Variants in PSMA8 observed in about 807,000 individuals in gnomAD.
The protein encoded by PSMA8 is proteasome 20S subunit alpha 8.
In PSMA8, 18 loss-of-function variants were observed where a neutral mutation model predicts 32.4. That is an observed-to-expected ratio of 0.56 (90% confidence interval 0.38 to 0.82). The LOEUF is 0.82. PSMA8 is among the 40% of genes least tolerant of loss of function. The pLI, the probability that PSMA8 is intolerant of heterozygous loss-of-function variation, is 0.00. For synonymous variants in PSMA8, 104 were observed against 98.1 expected (o/e 1.06, Z -0.36); for missense variants, 298 against 300.7 (o/e 0.99, Z 0.07).
intron 3 of PSMA8, among the ~76,000 whole-genome samples, chr18:26,153,764 A>AT (rs1033881033): frequency 4.6e-5 from 7 of 151,428 alleles, no homozygotes; most frequent in African/African-American, 1.5e-4. Context: ...TTTGCCTTTA[A>AT]TTTTTTTTTA....
intron 1 of PSMA8, among the ~76,000 whole-genome samples, chr18:26,138,807 A>G (rs1013848041): frequency 2.6e-5 from 4 of 152,222 alleles, no homozygotes; most frequent in African/African-American, 9.6e-5. Flanking sequence ...ACTTGTTACA[A>G]TTTGATGGTT....
At chr18:26,172,774 G>A (rs2055233693) in intron 4 of PSMA8, among the ~76,000 whole-genome samples, 1 of 152,172 alleles carries the variant, frequency 6.6e-6, no homozygotes. Flanking sequence ...TCGTGATGGT[G>A]CCAGTTCCTT....
intron 4 of PSMA8, among the ~76,000 whole-genome samples, chr18:26,172,636 C>G (rs2055232200): frequency 6.6e-6 from 1 of 151,996 alleles, no homozygotes; most frequent in Admixed American, 6.5e-5. Context: ...GGTATCCAAT[C>G]CATTATTATT....
At chr18:26,191,021 A>G (rs2055398161) in intron 6 of PSMA8, among the ~76,000 whole-genome samples, 1 of 152,188 alleles carries the variant, frequency 6.6e-6, no homozygotes, top group African/African-American at 2.4e-5. Flanking sequence ...ACAAATACAG[A>G]TTTTGTGACA....
chr18:26,179,268 G>A lies in PSMA8; in HGVS notation c.660+138G>A, dbSNP rs934241190. On this transcript the variant is annotated intron_variant, in intron 6 of 6. Transcript: ENST00000415576. ...AAATAACCTCCACTCATTTCTGACC[G>A]TCTACCGGTTTTTTGTTTGTTTTTT... 13 of 555,332 alleles carry A rather than the reference G, an allele frequency of 2.3e-5. 1 individual carries two copies. Among genetic ancestry groups the A allele is most frequent in the East Asian group, 6.2e-5 (2 of 32,174 alleles). 34.4% of individuals were successfully genotyped at this position (555,332 alleles called of 1,614,324 possible).
intron 6 of PSMA8, among the ~76,000 whole-genome samples, chr18:26,180,529 TAC>T (rs1475058882): frequency 6.6e-6 from 1 of 152,018 alleles, no homozygotes. Context: ...CCACATAAAT[TAC>T]AGAGTGCTGA....
intron 1 of PSMA8, among the ~76,000 whole-genome samples, chr18:26,134,629 T>C (rs1318369800): frequency 1.3e-5 from 2 of 152,102 alleles, no homozygotes; most frequent in Non-Finnish European, 2.9e-5. Context: ...GAAGAAATGA[T>C]TAAAAACACA....
intron 4 of PSMA8, among the ~76,000 whole-genome samples, chr18:26,175,762 C>A (rs185043686): frequency 2.0e-5 from 3 of 152,316 alleles, no homozygotes. Flanking sequence ...TGATTTTTCT[C>A]ACATAATGAA....
intron 3 of PSMA8, among the ~76,000 whole-genome samples, chr18:26,157,537 T>C (rs1402349158): frequency 6.6e-6 from 1 of 152,162 alleles, no homozygotes; most frequent in African/African-American, 2.4e-5. Context: ...ATACATACAA[T>C]TGGTTTCCAG....
chr18:26,179,062 C>T lies in PSMA8; in HGVS notation c.598-6C>T, dbSNP rs780611625. 6.2e-7 allele frequency: 1 copy of T among 1,612,502 alleles called. No homozygotes were observed. The highest frequency in any genetic ancestry group is 8.5e-7 in the Non-Finnish European group (1 of 1,179,108). ...TAATTCTAATAGTGTACTTGTTCTA[C>T]ATTAGGTTGTCCAGTCTGGTGGAAA... is the stretch of plus-strand genomic sequence containing the variant. On this transcript the variant is annotated splice_polypyrimidine_tract_variant and splice_region_variant and intron_variant, in intron 5 of 6. Transcript: ENST00000415576.
chr18:26,168,231 A>G (rs1422357919), intron 4 of PSMA8, among the ~76,000 whole-genome samples: 2 of 126,108 alleles, frequency 1.6e-5, no homozygotes, highest in Non-Finnish European at 3.0e-5. Flanking sequence ...TTCCTCACAT[A>G]ACTTAGTCAT....
chr18:26,185,291 C>T (rs2055344281), intron 6 of PSMA8, among the ~76,000 whole-genome samples: 2 of 150,248 alleles, frequency 1.3e-5, no homozygotes, highest in South Asian at 4.2e-4. Context: ...AACAAGAAAT[C>T]GTTTTTTCTC....
chr18:26,162,040 C>A (rs2055139796), intron 4 of PSMA8, among the ~76,000 whole-genome samples: 1 of 152,024 alleles, frequency 6.6e-6, no homozygotes. Context: ...AAATTTTTGA[C>A]AGATGAAAAA....
At chr18:26,185,306 A>G (rs748921135) in intron 6 of PSMA8, among the ~76,000 whole-genome samples, 2 of 150,590 alleles carry the variant, frequency 1.3e-5, no homozygotes, top group Non-Finnish European at 3.0e-5. Flanking sequence ...TTTCTCACAG[A>G]TGAAAGTATA....
intron 6 of PSMA8, among the ~76,000 whole-genome samples, chr18:26,191,724 G>A (rs1406616325): frequency 1.3e-5 from 2 of 152,054 alleles, no homozygotes; most frequent in Non-Finnish European, 2.9e-5. Context: ...CAAAGTGCTG[G>A]GATTACAGGC....
chr18:26,144,781 A>G, intron 2 of PSMA8, 96 bp downstream of exon 2: 1 of 1,189,626 alleles, frequency 8.4e-7, no homozygotes. Context: ...TTTATAAAAC[A>G]TGTGGAGTTG....
intron 4 of PSMA8, among the ~76,000 whole-genome samples, chr18:26,164,458 AT>A (rs1568063077): frequency 6.6e-6 from 1 of 152,246 alleles, no homozygotes; most frequent in Non-Finnish European, 1.5e-5. Flanking sequence ...AGCATCTCCT[AT>A]AAGAGGATAA....
chr18:26,177,097 G>T (rs1410184711), intron 4 of PSMA8, among the ~76,000 whole-genome samples: 2 of 152,164 alleles, frequency 1.3e-5, no homozygotes, highest in Non-Finnish European at 2.9e-5. Flanking sequence ...AGCTTGGCTT[G>T]TTGATTCAGA....
At chr18:26,183,437 G>A (rs2055328664) in intron 6 of PSMA8, among the ~76,000 whole-genome samples, 1 of 150,496 alleles carries the variant, frequency 6.6e-6, no homozygotes, top group African/African-American at 2.5e-5. Flanking sequence ...ACATTAACAG[G>A]AGTTTAGAAT....
Sources: gnomAD v4.1 joint callset for allele counts (sites outside exome capture counted in the v4.1 genomes callset) on GRCh38, gnomAD v4.1.1 for gene constraint, MANE v1.5 for transcripts, NCBI Gene and HGNC (gene_info 2026-07-23, HGNC 2026-07-21) for gene names.